The following PCDHA10 variants were observed in gnomAD, a reference collection of about 807,000 sequenced individuals.
The protein encoded by PCDHA10 is protocadherin alpha 10, also known as protocadherin alpha-10.
Under a neutral mutation model 61.2 loss-of-function variants are expected in PCDHA10, and 45 were observed. The observed-to-expected ratio is 0.74, with a 90% CI of 0.58 to 0.94. PCDHA10 has a LOEUF of 0.94. Ranked by LOEUF, PCDHA10 falls within the 40% of genes least tolerant of loss-of-function variation. The probability of loss-of-function intolerance (pLI) is 0.00; values close to 1 mark genes in which losing one functional copy is unlikely to be tolerated. For missense variants in PCDHA10, 1,278 were observed against 1,236.2 expected, an observed-to-expected ratio of 1.03 and a Z score of -0.51; for synonymous variants, 602 against 548.8, an observed-to-expected ratio of 1.10 and a Z score of -1.35.
At chr5:140,981,327 A>C (rs1330138417) in intron 2 of PCDHA10, among the ~76,000 whole-genome samples, 1 of 152,196 alleles carries the variant, frequency 6.6e-6, no homozygotes, top group Non-Finnish European at 1.5e-5. Context: ...TAATCCCAGC[A>C]CTTTGGGAGG....
chr5:140,972,294 C>T (rs944183626), intron 1 of PCDHA10, among the ~76,000 whole-genome samples: 14 of 151,458 alleles, frequency 9.2e-5, no homozygotes, highest in South Asian at 2.1e-4. Context: ...TGTGCGCCAC[C>T]GTGTCTGACT....
chr5:140,873,191 C>T (rs1554166611), intron 1 of PCDHA10, among the ~76,000 whole-genome samples: 1 of 151,960 alleles, frequency 6.6e-6, no homozygotes, highest in African/African-American at 2.4e-5. Context: ...TATTCATTGG[C>T]TAAAAACATT....
At chr5:140,884,547 C>T (rs1554181712) in intron 1 of PCDHA10, 5 of 1,614,214 alleles carry the variant, frequency 3.1e-6, no homozygotes, top group Admixed American at 1.7e-5. Context: ...AGGGTGTGCT[C>T]TGGGGAGGGC....
chr5:140,882,153 A>C (rs1197738298), intron 1 of PCDHA10: 8 of 1,505,202 alleles, frequency 5.3e-6, no homozygotes, highest in Non-Finnish European at 7.1e-6. Flanking sequence ...CAGAAAGCGG[A>C]ATACCTCTTG....
chr5:140,927,897 T>A, intron 1 of PCDHA10: 1 of 1,614,204 alleles, frequency 6.2e-7, no homozygotes, highest in African/African-American at 1.3e-5. Flanking sequence ...ACGTGAACGA[T>A]CATGCCCCCG....
Position 141,010,422 on chromosome 5 carries a change from G to A in PCDHA10, c.*485G>A. The A allele has an allele frequency of 8.7e-7, 1 of 1,145,442 alleles. No homozygotes were observed. Among genetic ancestry groups the A allele is most frequent in the Non-Finnish European group, 1.2e-6 (1 of 836,490 alleles). The allele number at this position is 1,145,442 out of a possible 1,614,324, so 71.0% of individuals were successfully genotyped here. A position where few individuals can be genotyped will look rare whatever the true frequency, so the allele number is the denominator to read the frequency against. On this transcript the variant is annotated 3_prime_UTR_variant, in exon 4 of 4. Transcript: ENST00000307360. ...AGCTTAGACTAATTGGTACAAGGAA[G>A]GCAAGAAAACAAAGACAAATAAACA... is the stretch of plus-strand genomic sequence containing the variant.
intron 1 of PCDHA10, chr5:140,866,095 A>G (rs1475761817): frequency 6.6e-6 from 1 of 152,152 alleles, no homozygotes; most frequent in East Asian, 1.9e-4. Flanking sequence ...TGTAATTGTT[A>G]AGTAATTAAG....
At chr5:140,935,673 A>T (rs1462991962) in intron 1 of PCDHA10, among the ~76,000 whole-genome samples, 1 of 152,180 alleles carries the variant, frequency 6.6e-6, no homozygotes, top group Non-Finnish European at 1.5e-5. Flanking sequence ...AATTATGTGA[A>T]ATATTTACAT....
intron 1 of PCDHA10, among the ~76,000 whole-genome samples, chr5:140,910,576 C>T (rs1305355365): frequency 6.6e-6 from 1 of 152,174 alleles, no homozygotes; most frequent in African/African-American, 2.4e-5. Context: ...TTTTCTGGAT[C>T]CTCCCAGCTG....
At position 140,916,114 on chromosome 5, in the gene PCDHA10, G is replaced by A. The variant is rs533496476; in HGVS notation, c.2388+57678G>A. On this transcript the variant is annotated intron_variant, in intron 1 of 3. Transcript: ENST00000307360. ...GGGAATCTGCCTGGCCACTGCTGAT[G>A]TTCACTTAAAGCTTAAGGGCTGTTC... 5.9e-5 allele frequency among the ~76,000 whole-genome samples: 9 copies of A among 152,238 alleles called. No homozygotes were observed. In the East Asian group the frequency reaches 1.7e-3, roughly 29 times the overall value.
intron 1 of PCDHA10, among the ~76,000 whole-genome samples, chr5:140,945,439 A>G (rs1291434553): frequency 6.6e-6 from 1 of 152,188 alleles, no homozygotes; most frequent in Non-Finnish European, 1.5e-5. Flanking sequence ...TTACAGAAAT[A>G]TAAAAAACTT....
chr5:140,928,308 C>A, intron 1 of PCDHA10: 1 of 1,614,126 alleles, frequency 6.2e-7, no homozygotes, highest in Non-Finnish European at 8.5e-7. Flanking sequence ...CCCAGGACCC[C>A]GACCTGGGGA....
At chr5:140,944,642 T>C (rs535941591) in intron 1 of PCDHA10, among the ~76,000 whole-genome samples, 35 of 152,342 alleles carry the variant, frequency 2.3e-4, no homozygotes, top group African/African-American at 7.9e-4. Context: ...CCAGTGTGGA[T>C]TGGGAGTCCA....
Position 140,883,090 on chromosome 5 carries a change from T to C in PCDHA10, c.2388+24654T>C, listed in dbSNP as rs550322124. On this transcript the variant is annotated intron_variant, in intron 1 of 3. Transcript: ENST00000307360. ...CCACAGATCCTGATGATGGTACAAA[T>C]GGAGATATAGTTTACTCATTTAGAA... The C allele has an allele frequency of 1.4e-4, 226 of 1,614,138 alleles. 1 individual carries two copies. In the South Asian group the frequency reaches 2.4e-3, roughly 17 times the overall value.
At chr5:140,950,997 A>G (rs782438146) in intron 1 of PCDHA10, among the ~76,000 whole-genome samples, 6 of 151,460 alleles carry the variant, frequency 4.0e-5, no homozygotes, top group Non-Finnish European at 7.4e-5. Flanking sequence ...TTTTAGCTCC[A>G]TTTTTCCCAA....
chr5:140,948,096 T>C (rs550126735), intron 1 of PCDHA10, among the ~76,000 whole-genome samples: 1 of 151,754 alleles, frequency 6.6e-6, no homozygotes, highest in East Asian at 1.9e-4. Flanking sequence ...TATGAGCATA[T>C]GATTTTTCTT....
At chr5:140,911,051 G>C (rs566300992) in intron 1 of PCDHA10, among the ~76,000 whole-genome samples, 1 of 152,100 alleles carries the variant, frequency 6.6e-6, no homozygotes, top group East Asian at 1.9e-4. Flanking sequence ...CAGGGGTGGT[G>C]GGGGGTGGGT....
rs370111655 is a variant in PCDHA10, at chr5:140,902,185, TTCTC to T, written c.2388+43761_2388+43764del. Reference sequence around the variant, plus strand: ...TTCTAATTTGGATGTCCTTTATGTCTTCTCTCTCTCTCTCTTTCTTTTTTTTTTT... The same window carrying T: ...TTCTAATTTGGATGTCCTTTATGTCTTCTCTCTCTCTTTCTTTTTTTTTTT... On this transcript the variant is annotated intron_variant, in intron 1 of 3. Coordinates refer to ENST00000307360, the MANE Select transcript of PCDHA10 (RefSeq NM_018901.4). Among the ~76,000 whole-genome samples, 704 of 150,894 alleles carry T rather than the reference TTCTC, an allele frequency of 4.7e-3. 6 individuals carry two copies. Among genetic ancestry groups the T allele is most frequent in the African/African-American group, 0.015 (608 of 41,076 alleles).
At chr5:140,929,414 A>T (rs1174756115) in intron 1 of PCDHA10, 15 of 1,504,422 alleles carry the variant, frequency 1.0e-5, no homozygotes, top group Non-Finnish European at 1.3e-5. Context: ...GCCTTTCACA[A>T]CATTTCATCA....
Sources: allele counts gnomAD v4.1 joint callset (sites outside exome capture counted in the v4.1 genomes callset), GRCh38; gene constraint gnomAD v4.1.1; transcripts MANE v1.5; gene names NCBI Gene and HGNC (gene_info 2026-07-23, HGNC 2026-07-21).